Variants in DCN observed in about 807,000 individuals in gnomAD.
DCN encodes bone proteoglycan II.
In DCN, 17 loss-of-function variants were observed where a neutral mutation model predicts 36.5. The ratio of observed to expected loss-of-function variants is 0.47; its 90% confidence interval spans 0.32 to 0.70. DCN has a LOEUF of 0.70. Ranked by LOEUF, DCN falls within the 30% of genes least tolerant of loss-of-function variation. The probability of loss-of-function intolerance (pLI) is 0.04; values close to 1 mark genes in which losing one functional copy is unlikely to be tolerated. For missense variants in DCN, 389 were observed against 430.1 expected, an observed-to-expected ratio of 0.90 and a Z score of 0.84; for synonymous variants, 163 against 161.4, an observed-to-expected ratio of 1.01 and a Z score of -0.07.
intron 6 of DCN, 76 bp from the exon 7 acceptor site, chr12:91,151,868 G>T: frequency 1.9e-6 from 3 of 1,567,388 alleles, no homozygotes; most frequent in Non-Finnish European, 2.6e-6. Context: ...AGTTAATCAA[G>T]TCTATAGGAA....
chr12:91,167,460 CACAG>C (rs530187374), intron 2 of DCN, among the ~76,000 whole-genome samples: 94 of 144,210 alleles, frequency 6.5e-4, no homozygotes, highest in Admixed American at 1.5e-3. Flanking sequence ...GACACACACA[CACAG>C]ACAGACAGAC....
chr12:91,146,996 C>T (rs996840005), intron 7 of DCN, among the ~76,000 whole-genome samples: 1 of 152,128 alleles, frequency 6.6e-6, no homozygotes, highest in Non-Finnish European at 1.5e-5. Flanking sequence ...TTTTGCCTTC[C>T]TAAATTTTAT....
chr12:91,181,801 A>C (rs1057059438), intron 1 of DCN, among the ~76,000 whole-genome samples: 1 of 152,116 alleles, frequency 6.6e-6, no homozygotes, highest in African/African-American at 2.4e-5. Flanking sequence ...TTCAATTATA[A>C]TATATGTAAT....
intron 2 of DCN, among the ~76,000 whole-genome samples, chr12:91,173,183 A>G (rs1218507584): frequency 6.6e-6 from 1 of 152,144 alleles, no homozygotes; most frequent in Non-Finnish European, 1.5e-5. Flanking sequence ...AGTTAAGATT[A>G]GAGGGTCTCA....
chr12:91,175,463 A>G (rs1351899798), intron 2 of DCN: 1 of 152,100 alleles, frequency 6.6e-6, no homozygotes, highest in Non-Finnish European at 1.5e-5. Flanking sequence ...TTTTAATTTC[A>G]TAGGTTTTTA....
At chr12:91,164,264 C>A (rs1229617136) in intron 3 of DCN, among the ~76,000 whole-genome samples, 1 of 151,168 alleles carries the variant, frequency 6.6e-6, no homozygotes, top group Middle Eastern at 3.4e-3. Flanking sequence ...ATACCTAATG[C>A]TAGATGACAC....
chr12:91,170,884 G>A (rs972168583), intron 2 of DCN, among the ~76,000 whole-genome samples: 2 of 152,020 alleles, frequency 1.3e-5, no homozygotes, highest in Admixed American at 6.6e-5. Flanking sequence ...AAAACAGATA[G>A]TATTCTATGA....
intron 2 of DCN, chr12:91,175,994 G>A (rs926905995): frequency 1.3e-5 from 2 of 152,056 alleles, no homozygotes; most frequent in Admixed American, 6.6e-5. Flanking sequence ...CTAAGACTGT[G>A]ATTTTTCTGC....
At chr12:91,172,994 A>G in intron 2 of DCN, 1 of 436,006 alleles carries the variant, frequency 2.3e-6, no homozygotes, top group South Asian at 4.5e-5. Context: ...AAAAGGCAGA[A>G]GTAGGCAAGC....
chr12:91,168,956 A>G (rs1315121917), intron 2 of DCN, among the ~76,000 whole-genome samples: 1 of 152,350 alleles, frequency 6.6e-6, no homozygotes, highest in Non-Finnish European at 1.5e-5. Flanking sequence ...CTGGAAAAGC[A>G]TCAGTTAGAA....
intron 3 of DCN, among the ~76,000 whole-genome samples, chr12:91,163,020 T>C (rs1473483294): frequency 1.3e-5 from 2 of 152,176 alleles, no homozygotes; most frequent in African/African-American, 4.8e-5. Context: ...TTCAGAGTGG[T>C]CTACCAGAAT....
At chr12:91,175,583 G>T (rs1476130767) in intron 2 of DCN, 1 of 152,036 alleles carries the variant, frequency 6.6e-6, no homozygotes, top group African/African-American at 2.4e-5. Context: ...AAGTTTATTT[G>T]TATTAAACAT....
At chr12:91,175,840 G>A (rs1018224740) in intron 2 of DCN, 5 of 152,076 alleles carry the variant, frequency 3.3e-5, no homozygotes, top group Admixed American at 6.6e-5. Flanking sequence ...CAACTATACT[G>A]CATTTACAAT....
intron 3 of DCN, among the ~76,000 whole-genome samples, chr12:91,159,393 C>T (rs772056806): frequency 6.6e-6 from 1 of 151,758 alleles, no homozygotes. Flanking sequence ...CTTTGTATTT[C>T]CTTGTCATTT....
intron 5 of DCN, among the ~76,000 whole-genome samples, chr12:91,154,442 T>C (rs2121190699): frequency 6.9e-6 from 1 of 144,240 alleles, no homozygotes; most frequent in East Asian, 2.0e-4. Flanking sequence ...ATGCAAAATG[T>C]ATATTTTTTA....
intron 2 of DCN, among the ~76,000 whole-genome samples, chr12:91,169,272 C>T (rs538474032): frequency 6.7e-6 from 1 of 148,412 alleles, no homozygotes; most frequent in South Asian, 2.2e-4. Context: ...GCCTGTAGTC[C>T]CATCTACTCG....
intron 5 of DCN, among the ~76,000 whole-genome samples, chr12:91,156,061 T>C (rs1734788475): frequency 6.6e-6 from 1 of 152,186 alleles, no homozygotes; most frequent in South Asian, 2.1e-4. Context: ...AGAGGGCTTC[T>C]GTGAGACTGA....
Position 91,150,390 on chromosome 12 carries a change from T to C in DCN, c.885+1264A>G, listed in dbSNP as rs148623626. On this transcript the variant is annotated intron_variant, in intron 7 of 7. Coordinates refer to ENST00000052754, the MANE Select transcript of DCN (RefSeq NM_001920.5). The stretch of plus-strand genomic sequence containing the variant: ...AGACTCATATCATATACTAGGATTA[T>C]CTCAAAATTAGATTATAAAACCAAA... Among the ~76,000 whole-genome samples, 175 of 152,328 alleles carry C rather than the reference T, an allele frequency of 1.1e-3. 1 individual carries two copies. The East Asian group carries it at 0.03, about 26-fold the overall frequency.
Position 91,158,220 on chromosome 12 carries a change from T to C in DCN, c.538+76A>G, listed in dbSNP as rs1881926392. ...GTAGCTTGTAGCTAATTTACCTTCC[T>C]GCACTTAAAACCCAGTTGAAATCTC... is the stretch of plus-strand genomic sequence containing the variant. On this transcript the variant is annotated intron_variant, in intron 4 of 7. Transcript: ENST00000052754. 1 of 922,592 alleles carries C rather than the reference T, an allele frequency of 1.1e-6. No individual in the cohort carries two copies. The allele number at this position is 922,592 out of a possible 1,614,324, so 57.2% of individuals were successfully genotyped here.
Sources: gnomAD v4.1 joint callset for allele counts (sites outside exome capture counted in the v4.1 genomes callset) on GRCh38, gnomAD v4.1.1 for gene constraint, MANE v1.5 for transcripts, NCBI Gene and HGNC (gene_info 2026-07-23, HGNC 2026-07-21) for gene names.